Variants in NOTCH4 observed in about 807,000 individuals in gnomAD.
NOTCH4 encodes the protein neurogenic locus notch homolog protein 4.
Under a neutral mutation model 189.0 loss-of-function variants are expected in NOTCH4, and 138 were observed. The observed-to-expected ratio is 0.73, with a 90% CI of 0.64 to 0.84. The LOEUF (loss-of-function observed/expected upper bound fraction) is 0.84, where lower values mean the gene tolerates loss of function less well. Ranked by LOEUF, NOTCH4 falls within the 40% of genes least tolerant of loss-of-function variation. The pLI, the probability that NOTCH4 is intolerant of heterozygous loss-of-function variation, is 0.00. For missense variants in NOTCH4, 2,286 were observed against 2,605.4 expected (o/e 0.88, Z 2.67); for synonymous variants, 942 against 1,032.8 (o/e 0.91, Z 1.69).
intron 18 of NOTCH4, among the ~76,000 whole-genome samples, chr6:32,209,869 C>T (rs13192229): frequency 0.026 from 3,845 of 149,902 alleles, 79 homozygotes; most frequent in South Asian, 0.096. Context: ...GGGGATAGAG[C>T]GACTCTGTCT....
chr6:32,214,162 G>A lies in NOTCH4; in HGVS notation c.2115C>T (p.Thr705=). 1 of 1,613,562 alleles carries A rather than the reference G, an allele frequency of 6.2e-7. No individual in the cohort carries two copies. The highest frequency in any genetic ancestry group is 8.5e-7 in the Non-Finnish European group (1 of 1,179,824). The change falls in exon 13 of 30, where the codon ACC becomes ACT. Residue 705 remains threonine, a synonymous_variant. Coordinates refer to ENST00000375023, the MANE Select transcript of NOTCH4 (RefSeq NM_004557.4). ...CISAPCAHGG[T]CYPQPSGYNC... is the part of the protein sequence containing the mutation. Reference sequence around the variant, plus strand: ...TGTAGCCAGAGGGCTGGGGGTAGCAGGTCCCCCCATGGGCACAGGGTGCAG... The same window carrying A: ...TGTAGCCAGAGGGCTGGGGGTAGCAAGTCCCCCCATGGGCACAGGGTGCAG...
rs781656422 is a variant in NOTCH4, at chr6:32,212,486, C to T, written c.2668G>A (p.Ala890Thr). 6.2e-7 allele frequency: 1 copy of T among 1,611,028 alleles called. No individual in the cohort carries two copies. Among genetic ancestry groups the T allele is most frequent in the South Asian group, 1.1e-5 (1 of 90,738 alleles). The change falls in exon 17 of 30, where the codon GCA becomes ACA. Residue 890 changes from alanine (A) to threonine (T), a missense_variant. By Grantham distance (58) the Ala-to-Thr change is moderately conservative (BLOSUM62 0). Around this residue, in one of 2 missense-constraint regions of NOTCH4, gnomAD observed 1,903 missense variants for 2,261.9 expected, o/e 0.84. Transcript: ENST00000375023. This position sits in a 1 kb window ranked among gnomAD's most constrained non-coding sequence, Gnocchi z 4.4. ...CGGCGTTGGTTACCTTGGCTCAGTG[C>T]AGCCTTCTGGCAGGAGGACAGTGGA... ...NLPLSSCQKA[A>T]LSQGIDVSSL... is the part of the protein sequence containing the mutation.
chr6:32,202,167 G>A lies in NOTCH4; in HGVS notation c.3664C>T (p.Leu1222Phe). The A allele has an allele frequency of 6.6e-7, 1 of 1,524,146 alleles. No individual in the cohort carries two copies. Among genetic ancestry groups the A allele is most frequent in the Non-Finnish European group, 8.8e-7 (1 of 1,136,538 alleles). The allele number at this position is 1,524,146 out of a possible 1,614,324, so 94.4% of individuals were successfully genotyped here. A position where few individuals can be genotyped will look rare whatever the true frequency, so the allele number is the denominator to read the frequency against. ...KGCPSHSRCW[L>F]LFRDGQCHPQ... ...TGGCACTGCCCGTCCCGGAAGAGAA[G>A]CCAGCACCGAGAGTGGGAGGGGCAG... is the stretch of plus-strand genomic sequence containing the variant. Residue 1222 changes from leucine to phenylalanine, a missense_variant, in exon 21 of 30, where the codon CTT (leucine) becomes TTT (phenylalanine). This residue lies in a region of NOTCH4 where 1,903 missense variants were observed against 2,261.9 expected (regional missense o/e 0.84). Transcript: ENST00000375023. The surrounding 1 kb of genome is among the most constrained non-coding windows in gnomAD (Gnocchi z 5.7).
intron 1 of NOTCH4, 149 bp from the exon 2 acceptor site, chr6:32,223,235 G>C (rs1051108872): frequency 5.9e-6 from 4 of 682,324 alleles, no homozygotes; most frequent in Non-Finnish European, 8.0e-6. Flanking sequence ...CTCTCCACAT[G>C]GTACCCAGCC....
At chr6:32,216,762 G>T (rs752700278) in intron 11 of NOTCH4, 183 bp downstream of exon 11, 1 of 763,552 alleles carries the variant, frequency 1.3e-6, no homozygotes. Context: ...GGGCCCTACG[G>T]TAACCCCTGC....
In NOTCH4 at chr6:32,197,287, G is replaced by T; in HGVS notation, c.5052+12C>A. On this transcript the variant is annotated intron_variant, in intron 27 of 29. Coordinates refer to ENST00000375023, the MANE Select transcript of NOTCH4 (RefSeq NM_004557.4). The stretch of plus-strand genomic sequence containing the variant: ...CGCCCCATTCCCTGTAGGGACCTCA[G>T]TGTGTGCTAACCTGGCAGACCTCCC... The T allele has an allele frequency of 6.6e-7, 1 of 1,520,962 alleles. No homozygotes were observed. The highest frequency in any genetic ancestry group is 8.8e-7 in the Non-Finnish European group (1 of 1,139,292). 94.2% of individuals were successfully genotyped at this position (1,520,962 alleles called of 1,614,324 possible).
Position 32,212,982 on chromosome 6 carries a change from G to T in NOTCH4, c.2439-71C>A. The T allele has an allele frequency of 7.0e-7, 1 of 1,427,614 alleles. No individual in the cohort carries two copies. Among genetic ancestry groups the T allele is most frequent in the Non-Finnish European group, 9.7e-7 (1 of 1,027,258 alleles). The allele number at this position is 1,427,614 out of a possible 1,614,324, so 88.4% of individuals were successfully genotyped here. A position where few individuals can be genotyped will look rare whatever the true frequency, so the allele number is the denominator to read the frequency against. The stretch of plus-strand genomic sequence containing the variant: ...CAAGGGGAAGGTAGTGTGTGATATT[G>T]TCGGGAGGCAACCACAGGGAGGTGG... On this transcript the variant is annotated intron_variant, in intron 15 of 29. Coordinates refer to ENST00000375023, the MANE Select transcript of NOTCH4 (RefSeq NM_004557.4). The surrounding 1 kb of genome is among the most constrained non-coding windows in gnomAD (Gnocchi z 4.4).
At chr6:32,214,362 C>T in intron 12 of NOTCH4, 107 bp from the exon 13 acceptor site, 1 of 1,272,568 alleles carries the variant, frequency 7.9e-7, no homozygotes, top group Non-Finnish European at 1.1e-6. Flanking sequence ...CCCTGAGATT[C>T]TGGCCTCTTT....
At position 32,197,494 on chromosome 6, in the gene NOTCH4, C is replaced by T. The variant is rs1788027985; in HGVS notation, c.4857G>A (p.Leu1619=). 6.2e-7 allele frequency: 1 copy of T among 1,605,062 alleles called. No homozygotes were observed. The highest frequency in any genetic ancestry group is 1.3e-5 in the African/African-American group (1 of 74,644). ...CCTGGGGACAGGCCCCTCCATCCAG[C>T]AGAGGTTCCCAGGGCTCAGGACATC... is the stretch of plus-strand genomic sequence containing the variant. ...WLGCPEPWEP[L]LDGGACPQAH... is the part of the protein sequence containing the mutation. The change falls in exon 27 of 30, where the codon CTG becomes CTA. Residue 1619 remains leucine, a synonymous_variant. Coordinates refer to ENST00000375023, the MANE Select transcript of NOTCH4 (RefSeq NM_004557.4).
chr6:32,222,846 C>T (rs768490614), intron 2 of NOTCH4, 40 bp from the exon 3 acceptor site: 23 of 1,603,002 alleles, frequency 1.4e-5, no homozygotes, highest in South Asian at 3.3e-5. Flanking sequence ...TCACTGGTCC[C>T]TCTTCCTATT....
Position 32,219,586 on chromosome 6 carries a change from T to A in NOTCH4, c.1510+6A>T. 1 of 1,612,120 alleles carries A rather than the reference T, an allele frequency of 6.2e-7. No homozygotes were observed. Among genetic ancestry groups the A allele is most frequent in the South Asian group, 1.1e-5 (1 of 90,848 alleles). ...TTCCCCACCCAAGGCCCCATCCAGC[T>A]GATACCTGGCGGGCAGAGGCAGTGG... On this transcript the variant is annotated splice_donor_region_variant and intron_variant, in intron 8 of 29. Coordinates refer to ENST00000375023, the MANE Select transcript of NOTCH4 (RefSeq NM_004557.4).
intron 11 of NOTCH4, 173 bp downstream of exon 11, chr6:32,216,772 C>T: frequency 1.2e-6 from 1 of 824,606 alleles, no homozygotes; most frequent in Non-Finnish European, 2.0e-6. Context: ...GTAACCCCTG[C>T]CCTTGTCCCC....
chr6:32,215,240 G>T lies in NOTCH4; in HGVS notation c.2007C>A (p.His669Gln). 6.2e-7 allele frequency: 1 copy of T among 1,601,598 alleles called. No individual in the cohort carries two copies. The highest frequency in any genetic ancestry group is 8.5e-7 in the Non-Finnish European group (1 of 1,175,494). ...APPEDNCTCH[H>Q]GHCQRSSCVC... Reference sequence around the variant, plus strand: ...GAAGATGTTACCTCTGGCAGTGCCCGTGGTGGCAGGTGCAGTTGTCCTCAG... The same window carrying T: ...GAAGATGTTACCTCTGGCAGTGCCCTTGGTGGCAGGTGCAGTTGTCCTCAG... Residue 669 changes from histidine (H) to glutamine (Q), a missense_variant, in exon 12 of 30, where the codon CAC becomes CAA. Physicochemically the swap from His to Gln is conservative, Grantham distance 24. Around this residue, in one of 2 missense-constraint regions of NOTCH4, gnomAD observed 1,903 missense variants for 2,261.9 expected, o/e 0.84. Transcript: ENST00000375023.
In NOTCH4 at chr6:32,196,095, A is replaced by G. The variant is rs1424794454; in HGVS notation, c.5354T>C (p.Leu1785Pro). Residue 1785 changes from leucine (L) to proline (P), a missense_variant, in exon 30 of 30, where the codon CTA (leucine) becomes CCA (proline). Physicochemically the swap from Leu to Pro is moderately conservative, Grantham distance 98 (BLOSUM62 -3). This residue lies in a region of NOTCH4 where 383 missense variants were observed against 343.5 expected (regional missense o/e 1.11). Transcript: ENST00000375023. The part of the protein sequence containing the change: ...AREGAVEVAQ[L>P]LLGLGAAREL... Reference sequence around the variant, plus strand: ...TCGGGCTGCCCCCAGCCCCAGCAGTAGCTGGGCTACTTCCACCGCTCCTTC... The same window carrying G: ...TCGGGCTGCCCCCAGCCCCAGCAGTGGCTGGGCTACTTCCACCGCTCCTTC... 1.9e-6 allele frequency: 3 copies of G among 1,592,958 alleles called. No homozygotes were observed. The highest frequency in any genetic ancestry group is 2.2e-5 in the East Asian group (1 of 44,472).
intron 18 of NOTCH4, among the ~76,000 whole-genome samples, chr6:32,207,641 AAAAAAAAG>A (rs1788770087): frequency 7.2e-6 from 1 of 138,650 alleles, no homozygotes; most frequent in African/African-American, 2.6e-5. Context: ...CCCCCCCCCA[AAAAAAAAG>A]AAAAAAAGAA....
At position 32,196,376 on chromosome 6, in the gene NOTCH4, GC is replaced by G. The variant is rs1167219107; in HGVS notation, c.5245del (p.Ala1749ProfsTer34). ...TCCGGCCTGGAGAAGCGAGCGGGCGGCTCGGGCGTTGTTCACGGCAGCAGCC... is the reference window on the plus strand; with the variant it reads ...TCCGGCCTGGAGAAGCGAGCGGGCGGTCGGGCGTTGTTCACGGCAGCAGCC... ...HWAAAVNNAR[A>X]ARSLLQAGAD... On this transcript the variant is annotated frameshift_variant, in exon 29 of 30. Transcript: ENST00000375023. LOFTEE classifies it high-confidence loss of function. 4.3e-6 allele frequency: 7 copies of G among 1,613,042 alleles called. No individual in the cohort carries two copies. Among genetic ancestry groups the G allele is most frequent in the Non-Finnish European group, 4.2e-6 (5 of 1,180,052 alleles).
rs781558726 is a variant in NOTCH4, at chr6:32,213,690, G to C, written c.2318C>G (p.Ser773Cys). The C allele has an allele frequency of 1.2e-6, 2 of 1,612,948 alleles. No homozygotes were observed. Among genetic ancestry groups the C allele is most frequent in the Non-Finnish European group, 1.7e-6 (2 of 1,179,948 alleles). Residue 773 changes from serine (S) to cysteine (C), a missense_variant and splice_region_variant, in exon 14 of 30, where the codon TCT becomes TGT. Around this residue, in one of 2 missense-constraint regions of NOTCH4, gnomAD observed 1,903 missense variants for 2,261.9 expected, o/e 0.84. Coordinates refer to ENST00000375023, the MANE Select transcript of NOTCH4 (RefSeq NM_004557.4). ...CCCATGACACAGTGGGCACTCACCA[G>C]ACACACAGTAGTCAGTGCTGGTTTG... ...QCQTSTDYCV[S>C]APCFNGGTCV...
chr6:32,210,854 T>C lies in NOTCH4; in HGVS notation c.2763A>G (p.Gly921=). 1 of 1,612,902 alleles carries C rather than the reference T, an allele frequency of 6.2e-7. No homozygotes were observed. The change falls in exon 18 of 30, where the codon GGA becomes GGG. Residue 921 remains glycine, a synonymous_variant. Coordinates refer to ENST00000375023, the MANE Select transcript of NOTCH4 (RefSeq NM_004557.4). This position sits in a 1 kb window ranked among gnomAD's most constrained non-coding sequence, Gnocchi z 4.8. ...GATCCTGGCACAGGCTGCCTTGGAA[T>C]CCAGGGGGGCAGTGGCAGAAATAGG... ...GPSYFCHCPP[G]FQGSLCQDHV... is the part of the protein sequence containing the mutation.
intron 18 of NOTCH4, among the ~76,000 whole-genome samples, chr6:32,207,640 A>C (rs1554148831): frequency 3.3e-4 from 46 of 137,432 alleles, no homozygotes; most frequent in Non-Finnish European, 6.2e-4. Context: ...CCCCCCCCCC[A>C]AAAAAAAAGA....
Sources: allele counts gnomAD v4.1 joint callset (sites outside exome capture counted in the v4.1 genomes callset), GRCh38; gene constraint gnomAD v4.1.1; regional missense constraint gnomAD v4.1.1; non-coding constraint Gnocchi (gnomAD v3.1); transcripts MANE v1.5; gene names NCBI Gene and HGNC (gene_info 2026-07-23, HGNC 2026-07-21).